Variants in CLASP1 observed in about 807,000 individuals in gnomAD.
CLASP1 encodes CLIP-associating protein 1.
A neutral mutation model predicts 192.3 loss-of-function variants in CLASP1; 38 were observed. The ratio of observed to expected loss-of-function variants is 0.20; its 90% CI spans 0.15 to 0.26. CLASP1 has a LOEUF of 0.26. CLASP1 is among the 10% of genes least tolerant of loss of function. The pLI is 1.00. For synonymous variants in CLASP1, 691 were observed against 712.8 expected (o/e 0.97, Z 0.49); for missense variants, 1,433 against 1,932.5 (o/e 0.74, Z 4.85).
chr2:121,414,645 C>T (rs576958219), intron 23 of CLASP1, among the ~76,000 whole-genome samples: 1 of 152,244 alleles, frequency 6.6e-6, no homozygotes, highest in South Asian at 2.1e-4. Context: ...TGCAACCATG[C>T]ACCAAAAACA....
intron 7 of CLASP1, among the ~76,000 whole-genome samples, chr2:121,509,888 C>T (rs950422562): frequency 1.3e-5 from 2 of 152,064 alleles, no homozygotes; most frequent in African/African-American, 2.4e-5. Flanking sequence ...TGAAACCATA[C>T]AAATTATGTT....
At chr2:121,439,828 G>A (rs1488950492) in intron 19 of CLASP1, among the ~76,000 whole-genome samples, 1 of 149,394 alleles carries the variant, frequency 6.7e-6, no homozygotes, top group Non-Finnish European at 1.5e-5. Flanking sequence ...GTAAACTATC[G>A]CAAGAACAAA....
chr2:121,388,875 G>A (rs928435886), intron 30 of CLASP1, among the ~76,000 whole-genome samples: 1 of 152,088 alleles, frequency 6.6e-6, no homozygotes, highest in African/African-American at 2.4e-5. Flanking sequence ...TCCTTCCAAA[G>A]ACTGTAGTTT....
exon 26 of CLASP1, chr2:121,404,434 A>C: frequency 6.2e-7 from 1 of 1,608,802 alleles, no homozygotes; most frequent in Non-Finnish European, 8.5e-7. Context: ...GTTCAACTCG[A>C]CTAGAAGAAA....
chr2:121,482,433 C>T (rs1187953762), intron 8 of CLASP1, among the ~76,000 whole-genome samples: 1 of 152,136 alleles, frequency 6.6e-6, no homozygotes, highest in Non-Finnish European at 1.5e-5. Context: ...CCTGTTAATA[C>T]TATGCCTTCC....
intron 32 of CLASP1, among the ~76,000 whole-genome samples, chr2:121,384,157 C>CATAT (rs767348636): frequency 7.7e-6 from 1 of 129,174 alleles, no homozygotes; most frequent in Non-Finnish European, 1.6e-5. Context: ...CACACACACA[C>CATAT]ATATATATAT....
chr2:121,392,543 T>G (rs1201955240), intron 30 of CLASP1, among the ~76,000 whole-genome samples: 1 of 152,192 alleles, frequency 6.6e-6, no homozygotes, highest in African/African-American at 2.4e-5. Context: ...CCCATGAGGC[T>G]GGAACTACAA....
intron 18 of CLASP1, 45 bp downstream of exon 18, chr2:121,448,231 C>A (rs1035521084): frequency 6.4e-7 from 1 of 1,559,902 alleles, no homozygotes; most frequent in Non-Finnish European, 8.8e-7. Flanking sequence ...CACGTACAGC[C>A]CACCAGAGCG....
At chr2:121,434,008 C>T (rs981138106) in intron 19 of CLASP1, among the ~76,000 whole-genome samples, 2 of 152,106 alleles carry the variant, frequency 1.3e-5, no homozygotes, top group Admixed American at 6.5e-5. Flanking sequence ...AACTTGTGTG[C>T]GAAACCATCT....
At chr2:121,378,113 G>T (rs1206190337) in intron 33 of CLASP1, among the ~76,000 whole-genome samples, 1 of 152,114 alleles carries the variant, frequency 6.6e-6, no homozygotes, top group Non-Finnish European at 1.5e-5. Flanking sequence ...ACAAGGCTAG[G>T]TTATACTCCC....
intron 33 of CLASP1, 44 bp from the exon 35 acceptor site, chr2:121,377,693 A>T: frequency 7.2e-7 from 1 of 1,387,912 alleles, no homozygotes; most frequent in Non-Finnish European, 9.8e-7. Flanking sequence ...AGGCATATAC[A>T]TAGAACTGAG....
chr2:121,429,888 G>A (rs948902049), intron 20 of CLASP1, among the ~76,000 whole-genome samples, 185 bp downstream of exon 20: 3 of 152,166 alleles, frequency 2.0e-5, no homozygotes, highest in Admixed American at 1.3e-4. Context: ...GGAGACAAAT[G>A]TATGCCTGAA....
chr2:121,549,801 C>T (rs1019350247), intron 2 of CLASP1, among the ~76,000 whole-genome samples: 2 of 150,380 alleles, frequency 1.3e-5, no homozygotes, highest in African/African-American at 4.9e-5. Flanking sequence ...GTCAGGAGAT[C>T]GAGACCATCC....
At chr2:121,454,748 A>G (rs1240954004) in intron 14 of CLASP1, among the ~76,000 whole-genome samples, 1 of 152,208 alleles carries the variant, frequency 6.6e-6, no homozygotes, top group Non-Finnish European at 1.5e-5. Flanking sequence ...ATGTTCCACA[A>G]CAAAGATCCG....
chr2:121,608,233 A>G (rs889630480), intron 1 of CLASP1, among the ~76,000 whole-genome samples: 1 of 152,206 alleles, frequency 6.6e-6, no homozygotes, highest in Admixed American at 6.5e-5. Flanking sequence ...TAAGAAACCA[A>G]AAGAATCTCT....
chr2:121,509,421 G>A (rs747203171), intron 7 of CLASP1, among the ~76,000 whole-genome samples: 14 of 152,230 alleles, frequency 9.2e-5, no homozygotes, highest in East Asian at 1.9e-4. Flanking sequence ...CAATCCTTCC[G>A]TCTCGGCCTC....
chr2:121,449,177 T>C (rs1206715114), intron 16 of CLASP1, 57 bp from the exon 17 acceptor site: 84 of 1,514,246 alleles, frequency 5.5e-5, no homozygotes, highest in Non-Finnish European at 7.4e-5. Context: ...GGTCTTTTGC[T>C]GAACTCTGGA....
At position 121,404,287 on chromosome 2, in the gene CLASP1, T is replaced by C. The variant is rs2076580494; in HGVS notation, c.2733+84A>G. The C allele has an allele frequency of 5.1e-6, 8 of 1,555,624 alleles. No individual in the cohort carries two copies. The South Asian group carries it at 9.6e-5, about 19-fold the overall frequency. On this transcript the variant is annotated intron_variant, in intron 26 of 39. Transcript: ENST00000263710. ...AGGTCGGAACTGCACTATCGGGAAT[T>C]CTCTCTCATTCTTGGGTAGTATATC...
intron 2 of CLASP1, among the ~76,000 whole-genome samples, chr2:121,584,252 T>G (rs2105627730): frequency 6.6e-6 from 1 of 152,282 alleles, no homozygotes; most frequent in Non-Finnish European, 1.5e-5. Context: ...CCTGGCCAAA[T>G]TTTTATTATT....
Sources: gnomAD v4.1 joint callset for allele counts (sites outside exome capture counted in the v4.1 genomes callset) on GRCh38, gnomAD v4.1.1 for gene constraint, MANE v1.5 for transcripts, NCBI Gene and HGNC (gene_info 2026-07-23, HGNC 2026-07-21) for gene names.